The following MYCBP2 variants were observed in gnomAD, a reference collection of about 807,000 sequenced individuals.
The protein encoded by MYCBP2 is MYC binding protein 2.
In MYCBP2, 120 loss-of-function variants were observed where a neutral mutation model predicts 525.3. The observed-to-expected ratio is 0.23, with a 90% CI of 0.20 to 0.27. MYCBP2 has a LOEUF of 0.27. Among genes scored for constraint, MYCBP2 ranks in the 10% least tolerant of loss-of-function variants. MYCBP2 has a pLI of 1.00. For synonymous variants in MYCBP2, 1,894 were observed against 1,955.8 expected (o/e 0.97, Z 0.83); for missense variants, 4,149 against 5,657.1 (o/e 0.73, Z 8.55).
intron 39 of MYCBP2, among the ~76,000 whole-genome samples, chr13:77,168,978 C>G (rs577327171): frequency 2.6e-5 from 4 of 152,320 alleles, no homozygotes; most frequent in African/African-American, 7.2e-5. Flanking sequence ...TATCCTTTAA[C>G]ATTGCTATTG....
At chr13:77,279,668 G>A (rs1202607935) in intron 3 of MYCBP2, among the ~76,000 whole-genome samples, 1 of 152,072 alleles carries the variant, frequency 6.6e-6, no homozygotes, top group Non-Finnish European at 1.5e-5. Flanking sequence ...CACAACAGTG[G>A]AAGAATATTC....
At position 77,096,660 on chromosome 13, in the gene MYCBP2, A is replaced by T. The variant is rs138485010; in HGVS notation, c.9785-179T>A. Among the ~76,000 whole-genome samples the T allele has an allele frequency of 9.8e-3, 1,498 of 152,270 alleles. 24 individuals carry two copies. The highest frequency in any genetic ancestry group is 0.034 in the African/African-American group (1,414 of 41,560). ...AAAATAGCTTACTTGATCAAAAAGC[A>T]ATCAATTAAATGATGCCCCAAATAT... On this transcript the variant is annotated intron_variant, in intron 56 of 82. Transcript: ENST00000544440.
rs78105595 is a variant in MYCBP2 at position 77,168,194 on chromosome 13, G to A, written c.6114+234C>T. Among the ~76,000 whole-genome samples the A allele has an allele frequency of 6.8e-3, 1,033 of 152,128 alleles. 6 individuals are homozygous for A. Among genetic ancestry groups the A allele is most frequent in the African/African-American group, 0.024 (983 of 41,494 alleles). On this transcript the variant is annotated intron_variant, in intron 40 of 82. Transcript: ENST00000544440. ...ATTATATACCACACTATACTTGTAG[G>A]AAGATTTAAGAACAACTCTCATAAA... is the stretch of plus-strand genomic sequence containing the variant.
intron 1 of MYCBP2, among the ~76,000 whole-genome samples, chr13:77,317,166 G>A (rs1304757895): frequency 6.6e-6 from 1 of 152,094 alleles, no homozygotes; most frequent in Non-Finnish European, 1.5e-5. Context: ...TGGCTGAGCT[G>A]GTTTCGAACT....
intron 3 of MYCBP2, among the ~76,000 whole-genome samples, chr13:77,285,527 CT>C (rs1488650045): frequency 3.3e-5 from 5 of 152,294 alleles, no homozygotes; most frequent in African/African-American, 1.2e-4. Context: ...TGACTCACAC[CT>C]GTAATCCCAG....
intron 37 of MYCBP2, among the ~76,000 whole-genome samples, chr13:77,173,838 A>G (rs1221517406): frequency 1.3e-5 from 2 of 152,262 alleles, no homozygotes; most frequent in East Asian, 1.9e-4. Context: ...TAAAAACATT[A>G]TAAGAAACAC....
At chr13:77,056,099 G>GGT (rs56952443) in intron 79 of MYCBP2, among the ~76,000 whole-genome samples, 14,649 of 120,304 alleles carry the variant, frequency 0.12, 967 homozygotes, top group East Asian at 0.15. Flanking sequence ...CTCTGTGTTT[G>GGT]GTGTGTGTGT....
intron 14 of MYCBP2, among the ~76,000 whole-genome samples, chr13:77,251,572 T>C (rs941579941): frequency 1.4e-4 from 21 of 152,226 alleles, no homozygotes; most frequent in Middle Eastern, 3.2e-3. Flanking sequence ...AGGAAGGCTA[T>C]TGTCAAATGT....
intron 15 of MYCBP2, among the ~76,000 whole-genome samples, chr13:77,250,588 A>T (rs1377769790): frequency 6.6e-6 from 1 of 152,238 alleles, no homozygotes; most frequent in African/African-American, 2.4e-5. Context: ...TATTCTGCCA[A>T]ACTTACATAT....
At chr13:77,253,035 TATA>T (rs1023885996) in intron 14 of MYCBP2, among the ~76,000 whole-genome samples, 6 of 152,112 alleles carry the variant, frequency 3.9e-5, no homozygotes, top group Middle Eastern at 3.4e-3. Flanking sequence ...ATCAAAAATT[TATA>T]AAGAAAAAGG....
In MYCBP2 at chr13:77,243,800, A is replaced by G; in HGVS notation, c.2527+6T>C. 3 of 1,612,850 alleles carry G rather than the reference A, an allele frequency of 1.9e-6. No homozygotes were observed. The highest frequency in any genetic ancestry group is 2.5e-6 in the Non-Finnish European group (3 of 1,179,448). On this transcript the variant is annotated splice_donor_region_variant and intron_variant, in intron 16 of 82. Coordinates refer to ENST00000544440, the MANE Select transcript of MYCBP2 (RefSeq NM_015057.5). ...AGTGTAGCATAGTATAATCAATCAA[A>G]ATTACCTAAAAGAAGATCTAAAGGT... is the stretch of plus-strand genomic sequence containing the variant.
chr13:77,282,372 T>C (rs984621088), intron 3 of MYCBP2, among the ~76,000 whole-genome samples: 4 of 149,844 alleles, frequency 2.7e-5, no homozygotes, highest in African/African-American at 9.9e-5. Flanking sequence ...ATCGTGCCAC[T>C]GCACTTCAGC....
chr13:77,251,156 G>A lies in MYCBP2; in HGVS notation c.2376C>T (p.Pro792=), dbSNP rs200803417. The A allele has an allele frequency of 5.9e-5, 95 of 1,613,338 alleles. No homozygotes were observed. The East Asian group carries it at 1.0e-3, about 18-fold the overall frequency. The change falls in exon 15 of 83, where the codon CCC becomes CCT. Residue 792 remains proline, a synonymous_variant. Coordinates refer to ENST00000544440, the MANE Select transcript of MYCBP2 (RefSeq NM_015057.5). ...CVSSGRPDRV[P]GGICGCGSGE... is the part of the protein sequence containing the mutation. ...TAGGAATCATTGTCTCTTACCCTCC[G>A]GGGACTCTGTCTGGCCGTCCACTAC...
Position 77,139,215 on chromosome 13 carries a change from C to T in MYCBP2, c.7640G>A (p.Ser2547Asn). Reference sequence around the variant, plus strand: ...ACTTACGTCAACAGGGACCAGAAGACTCTTGCCAAGATGTTGATTAAAAGA... The same window carrying T: ...ACTTACGTCAACAGGGACCAGAAGATTCTTGCCAAGATGTTGATTAAAAGA... The part of the protein sequence containing the change: ...CLSFNQHLGK[S>N]LLVPVDESKT... The change falls in exon 52 of 83, where the codon AGT (serine) becomes AAT (asparagine). Residue 2547 changes from serine to asparagine, a missense_variant. Transcript: ENST00000544440. 1 of 1,613,692 alleles carries T rather than the reference C, an allele frequency of 6.2e-7. No homozygotes were observed. The highest frequency in any genetic ancestry group is 8.5e-7 in the Non-Finnish European group (1 of 1,179,706).
chr13:77,199,855 C>T, intron 26 of MYCBP2, among the ~76,000 whole-genome samples: 1 of 152,180 alleles, frequency 6.6e-6, no homozygotes, highest in East Asian at 1.9e-4. Context: ...GGAAAACTAA[C>T]AAACAGAAAG....
rs1010029390 is a variant in MYCBP2 at position 77,311,566 on chromosome 13, T to G, written c.303-14892A>C. Among the ~76,000 whole-genome samples, 5 of 113,552 alleles carry G rather than the reference T, an allele frequency of 4.4e-5. 1 individual carries two copies. The South Asian group carries it at 8.2e-4, about 19-fold the overall frequency. The allele number at this position is 113,552 out of a possible 152,430, so 74.5% of individuals were successfully genotyped here. A position where few individuals can be genotyped will look rare whatever the true frequency, so the allele number is the denominator to read the frequency against. On this transcript the variant is annotated intron_variant, in intron 1 of 82. Transcript: ENST00000544440. ...GCAGGGAAAGAGAAGTTTTTTTTTG[T>G]TTTTTTTTTTTTGTTTTTTTTTTAA...
chr13:77,054,046 G>C (rs986563519), intron 80 of MYCBP2, among the ~76,000 whole-genome samples: 4 of 152,134 alleles, frequency 2.6e-5, no homozygotes, highest in African/African-American at 9.7e-5. Flanking sequence ...GGTGTTGATG[G>C]AAGTGAGATG....
intron 78 of MYCBP2, among the ~76,000 whole-genome samples, chr13:77,057,988 C>T (rs1354072278): frequency 6.6e-6 from 1 of 152,016 alleles, no homozygotes; most frequent in African/African-American, 2.4e-5. Context: ...CAGGCACCCA[C>T]CACCACGCCC....
chr13:77,068,012 T>G (rs1204286736), intron 70 of MYCBP2, 148 bp from the exon 71 acceptor site: 3 of 732,760 alleles, frequency 4.1e-6, no homozygotes, highest in Non-Finnish European at 4.3e-6. Flanking sequence ...ACTGCAGCCT[T>G]GAACTCCTAG....
Sources: gnomAD v4.1 joint callset for allele counts (sites outside exome capture counted in the v4.1 genomes callset) on GRCh38, gnomAD v4.1.1 for gene constraint, MANE v1.5 for transcripts, NCBI Gene and HGNC (gene_info 2026-07-23, HGNC 2026-07-21) for gene names.